The following HIGD1C variants were observed in gnomAD, a reference collection of about 807,000 sequenced individuals.
The protein encoded by HIGD1C is HIG1 hypoxia inducible domain family member 1C, also known as HIG1 domain family member 1C.
A neutral mutation model predicts 13.1 loss-of-function variants in HIGD1C; 11 were observed. The observed-to-expected ratio is 0.84, with a 90% CI of 0.53 to 1.39. The LOEUF (loss-of-function observed/expected upper bound fraction) is 1.39, where lower values mean the gene tolerates loss of function less well. Ranked by LOEUF, HIGD1C falls within the 40% of genes most tolerant of loss-of-function variation. HIGD1C has a pLI of 0.00. For synonymous variants in HIGD1C, 36 were observed against 37.7 expected (o/e 0.95, Z 0.17); for missense variants, 110 against 112.0 (o/e 0.98, Z 0.08).
chr12:50,938,197 C>CA, the HIGD1C span, among the ~76,000 whole-genome samples: 5 of 151,600 alleles, frequency 3.3e-5, no homozygotes, highest in African/African-American at 1.2e-4. Context: ...TGCACCCCTC[C>CA]ACCCCCCCAC....
intron 2 of HIGD1C, among the ~76,000 whole-genome samples, chr12:50,969,286 C>A (rs1487882115): frequency 6.6e-6 from 1 of 150,610 alleles, no homozygotes; most frequent in Non-Finnish European, 1.5e-5. Flanking sequence ...ACAGAGAGAC[C>A]CCATCTCAAA....
chr12:50,945,717 T>C, the HIGD1C span, among the ~76,000 whole-genome samples: 1 of 152,190 alleles, frequency 6.6e-6, no homozygotes. Context: ...CTTCACAGAA[T>C]TGGGAAAAAC....
chr12:50,936,640 T>C, the HIGD1C span, among the ~76,000 whole-genome samples: 1 of 152,182 alleles, frequency 6.6e-6, no homozygotes, highest in Non-Finnish European at 1.5e-5. Context: ...AAGATCTCCA[T>C]ATTTGTCTCT....
chr12:50,944,491 G>A, the HIGD1C span, among the ~76,000 whole-genome samples: 1 of 152,060 alleles, frequency 6.6e-6, no homozygotes, highest in African/African-American at 2.4e-5. Flanking sequence ...AAAGGGTGGG[G>A]GGAACACCCA....
intron 1 of HIGD1C, among the ~76,000 whole-genome samples, chr12:50,955,080 T>A (rs980109239): frequency 2.6e-5 from 4 of 152,020 alleles, no homozygotes; most frequent in African/African-American, 9.7e-5. Context: ...TCACTTGAGG[T>A]CAGGAATTCA....
upstream of HIGD1C, among the ~76,000 whole-genome samples, chr12:50,952,646 G>C (rs113651059): frequency 6.6e-6 from 1 of 152,210 alleles, no homozygotes; most frequent in Non-Finnish European, 1.5e-5. Flanking sequence ...GCAACGTCAC[G>C]TCTTTCCCCT....
intron 2 of HIGD1C, among the ~76,000 whole-genome samples, chr12:50,961,555 T>C (rs1470897693): frequency 6.6e-6 from 1 of 152,190 alleles, no homozygotes; most frequent in Non-Finnish European, 1.5e-5. Context: ...CTTCTTTCCT[T>C]CCAAGTTTCA....
At chr12:50,947,098 T>C in the HIGD1C span, among the ~76,000 whole-genome samples, 4 of 152,304 alleles carry the variant, frequency 2.6e-5, no homozygotes, top group East Asian at 7.7e-4. Flanking sequence ...TCCCTAGTCC[T>C]TATTATTCCT....
At chr12:50,939,750 A>G in the HIGD1C span, among the ~76,000 whole-genome samples, 21 of 152,214 alleles carry the variant, frequency 1.4e-4, no homozygotes, top group Non-Finnish European at 2.8e-4. Flanking sequence ...TTCATAAACC[A>G]TAAAACTGCC....
chr12:50,935,312 T>A, the HIGD1C span: 9 of 152,144 alleles, frequency 5.9e-5, no homozygotes, highest in Admixed American at 2.6e-4. Flanking sequence ...CACTGGTTAA[T>A]CCCAGTGCCA....
chr12:50,946,876 T>C, the HIGD1C span, among the ~76,000 whole-genome samples: 1 of 152,126 alleles, frequency 6.6e-6, no homozygotes, highest in East Asian at 1.9e-4. Flanking sequence ...ACCTGCATGT[T>C]GTGCACATGT....
At chr12:50,960,016 C>G (rs1263788194) in intron 1 of HIGD1C, among the ~76,000 whole-genome samples, 1 of 152,114 alleles carries the variant, frequency 6.6e-6, no homozygotes. Flanking sequence ...AAATCTTTTT[C>G]TAGAATCTTT....
intron 2 of HIGD1C, among the ~76,000 whole-genome samples, chr12:50,969,898 A>T (rs944816687): frequency 6.6e-6 from 1 of 152,014 alleles, no homozygotes; most frequent in Non-Finnish European, 1.5e-5. Context: ...ATTTGCTGAC[A>T]TCCTTGGAAC....
At position 50,960,966 on chromosome 12, in the gene HIGD1C, A is replaced by C; in HGVS notation, c.95-2A>C. 1.9e-6 allele frequency: 3 copies of C among 1,567,542 alleles called. No individual in the cohort carries two copies. Among genetic ancestry groups the C allele is most frequent in the Non-Finnish European group, 2.6e-6 (3 of 1,155,190 alleles). On this transcript the variant is annotated splice_acceptor_variant, in intron 1 of 2. Coordinates refer to ENST00000398455, the Ensembl canonical transcript of HIGD1C. LOFTEE classifies it high-confidence loss of function. ...AATAACCCATACTTTTAAAATTCAC[A>C]GGTATAGCAGGCTTTGTGACTGTGG...
At chr12:50,932,123 T>C in the HIGD1C span, 1 of 152,356 alleles carries the variant, frequency 6.6e-6, no homozygotes, top group Non-Finnish European at 1.5e-5. Context: ...TTTTCCTTAA[T>C]ACTTTGCTGA....
At chr12:50,934,176 A>G in the HIGD1C span, among the ~76,000 whole-genome samples, 3 of 152,260 alleles carry the variant, frequency 2.0e-5, no homozygotes, top group African/African-American at 4.8e-5. Context: ...GATTTGGATC[A>G]GACCCTGTCT....
intron 2 of HIGD1C, 112 bp downstream of exon 4, chr12:50,961,214 G>A (rs1044648403): frequency 4.4e-6 from 5 of 1,136,478 alleles, no homozygotes; most frequent in Admixed American, 2.4e-5. Flanking sequence ...TAATGAGAGA[G>A]GGGTAGGAAA....
downstream of HIGD1C, among the ~76,000 whole-genome samples, chr12:50,972,083 T>A (rs1939775559): frequency 6.6e-6 from 1 of 152,196 alleles, no homozygotes; most frequent in South Asian, 2.1e-4. Flanking sequence ...AGCAGCTGGA[T>A]CTAATATGTT....
intron 1 of HIGD1C, among the ~76,000 whole-genome samples, chr12:50,959,375 C>G (rs566104489): frequency 8.5e-5 from 13 of 152,246 alleles, no homozygotes; most frequent in Non-Finnish European, 1.5e-4. Flanking sequence ...CTGCATTGGC[C>G]TCCCAAAGTG....
Sources: gnomAD v4.1 joint callset for allele counts (sites outside exome capture counted in the v4.1 genomes callset) on GRCh38, gnomAD v4.1.1 for gene constraint, MANE v1.5 for transcripts, NCBI Gene and HGNC (gene_info 2026-07-23, HGNC 2026-07-21) for gene names.